The following NR6A1 variants were observed in gnomAD, a reference collection of about 807,000 sequenced individuals.
NR6A1 encodes the protein retinoic acid receptor-related testis-associated receptor.
NR6A1 carries 7 observed loss-of-function variants against 59.1 expected under a neutral mutation model. The observed-to-expected ratio is 0.12, with a 90% CI of 0.07 to 0.22. The LOEUF (loss-of-function observed/expected upper bound fraction) is 0.22. Ranked by LOEUF, NR6A1 falls within the 10% of genes least tolerant of loss-of-function variation. The probability of loss-of-function intolerance (pLI) is 1.00; values close to 1 mark genes in which losing one functional copy is unlikely to be tolerated. For missense variants in NR6A1, 468 were observed against 611.6 expected, an observed-to-expected ratio of 0.77 and a Z score of 2.48; for synonymous variants, 243 against 236.1, an observed-to-expected ratio of 1.03 and a Z score of -0.27.
chr9:124,550,103 C>G (rs567847042), intron 3 of NR6A1, among the ~76,000 whole-genome samples: 10 of 152,082 alleles, frequency 6.6e-5, no homozygotes, highest in Non-Finnish European at 1.2e-4. Flanking sequence ...ACTTACCTCT[C>G]TGTGTGTGTA....
intron 2 of NR6A1, among the ~76,000 whole-genome samples, chr9:124,616,727 A>G (rs1389463526): frequency 6.6e-6 from 1 of 152,230 alleles, no homozygotes; most frequent in South Asian, 2.1e-4. Flanking sequence ...AAGATGCCCT[A>G]ATATGATTAG....
intron 2 of NR6A1, among the ~76,000 whole-genome samples, chr9:124,617,936 T>A (rs1835947337): frequency 6.6e-6 from 1 of 152,182 alleles, no homozygotes; most frequent in African/African-American, 2.4e-5. Context: ...GTATATATAC[T>A]GGCCATGCCA....
At chr9:124,686,957 G>A (rs959459615) in intron 2 of NR6A1, among the ~76,000 whole-genome samples, 3 of 151,970 alleles carry the variant, frequency 2.0e-5, no homozygotes, top group African/African-American at 7.3e-5. Flanking sequence ...CTCCCTCCTC[G>A]GCCACCTAAA....
intron 2 of NR6A1, among the ~76,000 whole-genome samples, chr9:124,612,812 T>G (rs1835792059): frequency 6.9e-6 from 1 of 145,206 alleles, no homozygotes; most frequent in Non-Finnish European, 1.6e-5. Context: ...TTTCTTTCTT[T>G]CTTTCTTTTC....
At chr9:124,569,326 C>T (rs1312614427) in intron 2 of NR6A1, among the ~76,000 whole-genome samples, 1 of 152,212 alleles carries the variant, frequency 6.6e-6, no homozygotes, top group South Asian at 2.1e-4. Flanking sequence ...AGGCTTCATA[C>T]TCTCATACCT....
intron 2 of NR6A1, among the ~76,000 whole-genome samples, chr9:124,578,824 A>G (rs1014944897): frequency 9.2e-5 from 14 of 152,228 alleles, no homozygotes; most frequent in African/African-American, 3.1e-4. Flanking sequence ...CTCTGGCCCA[A>G]TTTAATCCTA....
At chr9:124,569,415 G>A (rs565636140) in intron 2 of NR6A1, among the ~76,000 whole-genome samples, 33 of 152,284 alleles carry the variant, frequency 2.2e-4, no homozygotes, top group African/African-American at 6.0e-4. Context: ...CTCAGGTTAC[G>A]CAAATTACAT....
intron 2 of NR6A1, among the ~76,000 whole-genome samples, chr9:124,686,925 A>G (rs1838350788): frequency 6.6e-6 from 1 of 151,974 alleles, no homozygotes; most frequent in Non-Finnish European, 1.5e-5. Flanking sequence ...GCTGGTCTTG[A>G]AATCCTGGGC....
intron 1 of NR6A1, among the ~76,000 whole-genome samples, chr9:124,753,443 AT>A (rs2131178679): frequency 6.6e-6 from 1 of 152,368 alleles, no homozygotes; most frequent in African/African-American, 2.4e-5. Context: ...TATTTAAAAA[AT>A]TAAATAAGCA....
intron 7 of NR6A1, 34 bp from the exon 8 acceptor site, chr9:124,526,934 G>C (rs929940897): frequency 8.7e-6 from 14 of 1,612,356 alleles, no homozygotes; most frequent in African/African-American, 1.3e-5. Flanking sequence ...ACAGTTGGCT[G>C]TGACACCAGT....
chr9:124,661,536 C>T, intron 2 of NR6A1, among the ~76,000 whole-genome samples: 1 of 152,144 alleles, frequency 6.6e-6, no homozygotes, highest in Non-Finnish European at 1.5e-5. Flanking sequence ...CAAATGAGAC[C>T]ATGAATGGTC....
chr9:124,588,036 C>A lies in NR6A1; in HGVS notation c.143-33466G>T, dbSNP rs570250988. On this transcript the variant is annotated intron_variant, in intron 2 of 9. Coordinates refer to ENST00000487099, the MANE Select transcript of NR6A1 (RefSeq NM_033334.4). ...AACTAGAACTCCTCTCTCCTCAGCT[C>A]CTCACAAGACATTTATCATTCTCCA... Among the ~76,000 whole-genome samples, 4 of 152,262 alleles carry A rather than the reference C, an allele frequency of 2.6e-5. No homozygotes were observed. The East Asian group carries it at 5.8e-4, about 22-fold the overall frequency.
At chr9:124,770,805 G>T (rs1173056461) in intron 1 of NR6A1, among the ~76,000 whole-genome samples, 1 of 151,526 alleles carries the variant, frequency 6.6e-6, no homozygotes, top group Non-Finnish European at 1.5e-5. Flanking sequence ...GCGCAGAAGG[G>T]AACAGGGACG....
At chr9:124,536,565 A>G (rs1442217430) in intron 6 of NR6A1, among the ~76,000 whole-genome samples, 1 of 152,060 alleles carries the variant, frequency 6.6e-6, no homozygotes, top group Non-Finnish European at 1.5e-5. Flanking sequence ...AGGCTGAGGC[A>G]GAGGCAGAAG....
chr9:124,598,776 G>A (rs1318270152), intron 2 of NR6A1: 6 of 913,230 alleles, frequency 6.6e-6, no homozygotes, highest in Non-Finnish European at 1.1e-5. Context: ...TAGCTTTTCC[G>A]CCACTTTTTC....
intron 2 of NR6A1, among the ~76,000 whole-genome samples, chr9:124,600,795 G>C (rs575452020): frequency 3.3e-5 from 5 of 152,168 alleles, no homozygotes; most frequent in African/African-American, 1.2e-4. Flanking sequence ...GTGCCAGAGA[G>C]GGCATTACAT....
At chr9:124,528,840 C>T (rs144592638) in intron 7 of NR6A1, among the ~76,000 whole-genome samples, 45 of 152,264 alleles carry the variant, frequency 3.0e-4, no homozygotes, top group Non-Finnish European at 4.4e-5. Context: ...TCACTTATAT[C>T]GCATCCAGTA....
chr9:124,525,938 G>A (rs1832922094), intron 8 of NR6A1, among the ~76,000 whole-genome samples: 1 of 152,102 alleles, frequency 6.6e-6, no homozygotes, highest in Non-Finnish European at 1.5e-5. Flanking sequence ...GCTCAGCACA[G>A]GGCTTGGCCA....
At chr9:124,752,633 G>C (rs906378832) in intron 1 of NR6A1, among the ~76,000 whole-genome samples, 2 of 152,094 alleles carry the variant, frequency 1.3e-5, no homozygotes, top group Non-Finnish European at 2.9e-5. Flanking sequence ...GAGGAGGCAA[G>C]GGAATGTTTA....
Sources: allele counts gnomAD v4.1 joint callset (sites outside exome capture counted in the v4.1 genomes callset), GRCh38; gene constraint gnomAD v4.1.1; transcripts MANE v1.5; gene names NCBI Gene and HGNC (gene_info 2026-07-23, HGNC 2026-07-21).